Variants in MAF observed in about 807,000 individuals in gnomAD.
MAF encodes the protein transcription factor Maf.
Under a neutral mutation model 22.0 loss-of-function variants are expected in MAF, and 10 were observed. The ratio of observed to expected loss-of-function variants is 0.45; its 90% confidence interval spans 0.28 to 0.77. The LOEUF (loss-of-function observed/expected upper bound fraction) is 0.77, where lower values mean the gene tolerates loss of function less well. Ranked by LOEUF, MAF falls within the 30% of genes least tolerant of loss-of-function variation. The pLI, the probability that MAF is intolerant of heterozygous loss-of-function variation, is 0.12. For synonymous variants in MAF, 337 were observed against 255.8 expected (o/e 1.32, Z -3.03); for missense variants, 544 against 548.4 (o/e 0.99, Z 0.08).
At chr16:79,582,234 C>A (rs1912564189), downstream of MAF, among the ~76,000 whole-genome samples, 1 of 152,152 alleles carries the variant, frequency 6.6e-6, no homozygotes, top group Admixed American at 6.5e-5. Context: ...AAAGATTCAG[C>A]AAGCAGCAGG....
chr16:79,399,901 G>A, the MAF span, among the ~76,000 whole-genome samples: 3 of 152,100 alleles, frequency 2.0e-5, no homozygotes, highest in East Asian at 3.9e-4. Flanking sequence ...AATAAATTAC[G>A]TGGCCACACT....
the MAF span, among the ~76,000 whole-genome samples, chr16:79,414,970 G>A: frequency 6.6e-6 from 1 of 152,200 alleles, no homozygotes; most frequent in African/African-American, 2.4e-5. Flanking sequence ...GAGACCACAG[G>A]AAATTCTGCA....
chr16:79,433,650 G>A, the MAF span, among the ~76,000 whole-genome samples: 2 of 152,112 alleles, frequency 1.3e-5, no homozygotes, highest in African/African-American at 4.8e-5. Flanking sequence ...GTGAAGCCGG[G>A]AGGGAGTGCT....
the MAF span, among the ~76,000 whole-genome samples, chr16:79,440,345 G>C: frequency 6.6e-6 from 1 of 152,210 alleles, no homozygotes; most frequent in Non-Finnish European, 1.5e-5. Flanking sequence ...CCAGTGTGGT[G>C]CCTAGCGCAC....
At chr16:79,272,540 C>T in the MAF span, among the ~76,000 whole-genome samples, 5 of 152,196 alleles carry the variant, frequency 3.3e-5, no homozygotes, top group Non-Finnish European at 5.9e-5. Context: ...CATGCGGATG[C>T]CCTAAGTAGG....
the MAF span, among the ~76,000 whole-genome samples, chr16:79,297,791 C>T: frequency 6.6e-6 from 1 of 152,182 alleles, no homozygotes; most frequent in Non-Finnish European, 1.5e-5. Flanking sequence ...ATGCGAGGGA[C>T]TGGTGGGGAG....
the MAF span, among the ~76,000 whole-genome samples, chr16:79,213,161 C>G: frequency 1.3e-5 from 2 of 152,130 alleles, no homozygotes; most frequent in African/African-American, 4.8e-5. Flanking sequence ...TCTGGCAAGA[C>G]GGAGAAAATG....
At chr16:79,372,839 C>G in the MAF span, among the ~76,000 whole-genome samples, 1 of 152,174 alleles carries the variant, frequency 6.6e-6, no homozygotes, top group Non-Finnish European at 1.5e-5. Context: ...ACTGATTTTC[C>G]TTTCAGACAC....
At chr16:79,524,268 CG>C in the MAF span, among the ~76,000 whole-genome samples, 7 of 152,186 alleles carry the variant, frequency 4.6e-5, no homozygotes, top group Admixed American at 4.6e-4. Context: ...CTGCATTAGC[CG>C]GGGGCTATGC....
the MAF span, among the ~76,000 whole-genome samples, chr16:79,274,693 G>A: frequency 8.5e-5 from 13 of 152,262 alleles, no homozygotes; most frequent in African/African-American, 3.1e-4. Context: ...GCAAAGAATG[G>A]TCTTTGTACC....
chr16:79,501,229 G>A, the MAF span, among the ~76,000 whole-genome samples: 1 of 152,144 alleles, frequency 6.6e-6, no homozygotes, highest in Non-Finnish European at 1.5e-5. Context: ...TCCAGCATCT[G>A]CCTCCTTGAA....
the MAF span, among the ~76,000 whole-genome samples, chr16:79,360,449 G>A: frequency 6.6e-6 from 1 of 152,168 alleles, no homozygotes; most frequent in African/African-American, 2.4e-5. Flanking sequence ...GAGTCATGTG[G>A]CTGTGTGCCA....
At chr16:79,474,701 T>C in the MAF span, among the ~76,000 whole-genome samples, 1 of 152,280 alleles carries the variant, frequency 6.6e-6, no homozygotes, top group Non-Finnish European at 1.5e-5. Context: ...TTGTTGAATA[T>C]TTATTTTTTG....
At chr16:79,441,948 C>T in the MAF span, among the ~76,000 whole-genome samples, 1 of 152,170 alleles carries the variant, frequency 6.6e-6, no homozygotes, top group Non-Finnish European at 1.5e-5. Flanking sequence ...CACAGAGAGG[C>T]ACAGAGCAAA....
At chr16:79,294,284 G>C in the MAF span, among the ~76,000 whole-genome samples, 4 of 152,068 alleles carry the variant, frequency 2.6e-5, no homozygotes, top group Non-Finnish European at 5.9e-5. Context: ...CTTTTTCCTT[G>C]AGCAAAGAAT....
chr16:79,472,414 C>T, the MAF span, among the ~76,000 whole-genome samples: 1 of 152,160 alleles, frequency 6.6e-6, no homozygotes, highest in African/African-American at 2.4e-5. Flanking sequence ...TATGTTCTAT[C>T]CATACAATGG....
the MAF span, among the ~76,000 whole-genome samples, chr16:79,501,624 T>C: frequency 6.6e-6 from 1 of 152,228 alleles, no homozygotes; most frequent in Non-Finnish European, 1.5e-5. Flanking sequence ...CTAACTTCAG[T>C]GTTGATGCTG....
At chr16:79,377,466 A>G in the MAF span, among the ~76,000 whole-genome samples, 102 of 152,234 alleles carry the variant, frequency 6.7e-4, no homozygotes, top group African/African-American at 2.3e-3. Context: ...ATTTTCTCCC[A>G]TTCTGTAGGT....
the MAF span, among the ~76,000 whole-genome samples, chr16:79,504,389 G>A: frequency 4.6e-5 from 7 of 152,168 alleles, no homozygotes; most frequent in Non-Finnish European, 7.3e-5. Context: ...ATGAATTCCA[G>A]TTCAGCTTCT....
Sources: allele counts gnomAD v4.1 joint callset (sites outside exome capture counted in the v4.1 genomes callset), GRCh38; gene constraint gnomAD v4.1.1; transcripts MANE v1.5; gene names NCBI Gene and HGNC (gene_info 2026-07-23, HGNC 2026-07-21).